Variants in PCDH15 observed in about 807,000 individuals in gnomAD.
PCDH15 encodes protocadherin-15.
Under a neutral mutation model 178.5 loss-of-function variants are expected in PCDH15, and 129 were observed. The ratio of observed to expected loss-of-function variants is 0.72; its 90% CI spans 0.63 to 0.84. The LOEUF is 0.84. PCDH15 is among the 40% of genes least tolerant of loss of function. PCDH15 has a pLI of 0.00. For missense variants in PCDH15, 2,230 were observed against 2,099.9 expected (o/e 1.06, Z -1.21); for synonymous variants, 800 against 732.0 (o/e 1.09, Z -1.50).
chr10:54,136,834 C>T (rs1376131028), intron 14 of PCDH15, among the ~76,000 whole-genome samples: 1 of 152,168 alleles, frequency 6.6e-6, no homozygotes, highest in Non-Finnish European at 1.5e-5. Context: ...TTCCTTTCCA[C>T]AATAATTCAA....
rs2132598519 is a variant in PCDH15, at chr10:53,828,579, T to A, written c.4203-6A>T. ...ATTATACTTACACTTTAAACCTGTT[T>A]GGGAAAGCAAGAGTAAGAAAAATAG... On this transcript the variant is annotated splice_region_variant and splice_polypyrimidine_tract_variant and intron_variant, in intron 30 of 37. Transcript: ENST00000644397. 6.5e-7 allele frequency: 1 copy of A among 1,550,250 alleles called. No homozygotes were observed. The highest frequency in any genetic ancestry group is 8.9e-7 in the Non-Finnish European group (1 of 1,122,694).
At chr10:54,781,474 G>A (rs529776186) in intron 1 of PCDH15, among the ~76,000 whole-genome samples, 1 of 152,132 alleles carries the variant, frequency 6.6e-6, no homozygotes, top group East Asian at 1.9e-4. Context: ...TAATGCCTGT[G>A]TATCAAAGTA....
intron 1 of PCDH15, among the ~76,000 whole-genome samples, chr10:54,665,724 A>C (rs2094560922): frequency 6.6e-6 from 1 of 151,864 alleles, no homozygotes. Context: ...TTGTTTCTTT[A>C]TCTAAGATAT....
At chr10:54,166,265 C>A (rs2046217521) in intron 13 of PCDH15, among the ~76,000 whole-genome samples, 1 of 152,158 alleles carries the variant, frequency 6.6e-6, no homozygotes, top group South Asian at 2.1e-4. Flanking sequence ...TCAAATTTAA[C>A]AACTCAATAA....
At chr10:54,167,940 TAAG>T (rs1301460571) in intron 13 of PCDH15, among the ~76,000 whole-genome samples, 3 of 150,352 alleles carry the variant, frequency 2.0e-5, no homozygotes, top group Non-Finnish European at 4.4e-5. Flanking sequence ...TTCTGGAAGG[TAAG>T]AACCCCCGAA....
At position 55,254,085 on chromosome 10, in the gene PCDH15, G is replaced by A. The variant is rs16907178; in HGVS notation, c.-156+65514C>T. ...TGTTACTGGTAGAAGGCATGAAAACGCATTTATTACAGTTGTAAAATTTAT... is the reference window on the plus strand; with the variant it reads ...TGTTACTGGTAGAAGGCATGAAAACACATTTATTACAGTTGTAAAATTTAT... On this transcript the variant is annotated intron_variant, in intron 1 of 5. Transcript: ENST00000458638. Among the ~76,000 whole-genome samples, 883 of 152,206 alleles carry A rather than the reference G, an allele frequency of 5.8e-3. 10 individuals carry two copies. Among genetic ancestry groups the A allele is most frequent in the African/African-American group, 0.02 (841 of 41,516 alleles).
intron 3 of PCDH15, among the ~76,000 whole-genome samples, chr10:54,513,670 A>G (rs1236775063): frequency 6.6e-6 from 1 of 152,196 alleles, no homozygotes; most frequent in Non-Finnish European, 1.5e-5. Context: ...ATGTTAAAAA[A>G]TCTTAATCAT....
Position 53,855,863 on chromosome 10 carries a change from C to T in PCDH15, c.3806+1312G>A, listed in dbSNP as rs184960098. Among the ~76,000 whole-genome samples, 39 of 131,818 alleles carry T rather than the reference C, an allele frequency of 3.0e-4. 1 individual carries two copies. The East Asian group carries it at 0.012, about 40-fold the overall frequency. The allele number at this position is 131,818 out of a possible 152,430, so 86.5% of individuals were successfully genotyped here. A position where few individuals can be genotyped will look rare whatever the true frequency, so the allele number is the denominator to read the frequency against. ...ATGTAACAAGCATGCATGTTCTGCA[C>T]ATGTATCCCGGAACTTAAAAGTTAA... On this transcript the variant is annotated intron_variant, in intron 28 of 37. Transcript: ENST00000644397.
At chr10:54,846,532 C>T (rs549408140) in intron 3 of PCDH15, among the ~76,000 whole-genome samples, 3 of 152,148 alleles carry the variant, frequency 2.0e-5, no homozygotes, top group East Asian at 1.9e-4. Context: ...GAAATGCATC[C>T]GGCAATCTAC....
intron 2 of PCDH15, among the ~76,000 whole-genome samples, chr10:54,581,370 T>C (rs1235601358): frequency 6.6e-6 from 1 of 151,976 alleles, no homozygotes; most frequent in Non-Finnish European, 1.5e-5. Context: ...TATGAATACA[T>C]CCAACAAAGA....
At chr10:55,465,142 T>C (rs1839805714) in intron 2 of PCDH15, among the ~76,000 whole-genome samples, 6 of 152,140 alleles carry the variant, frequency 3.9e-5, no homozygotes, top group Admixed American at 3.9e-4. Flanking sequence ...ACACAGAGAC[T>C]GATTTTAGGA....
At chr10:55,312,890 T>C (rs193012850) in intron 1 of PCDH15, among the ~76,000 whole-genome samples, 196 of 152,316 alleles carry the variant, frequency 1.3e-3, no homozygotes, top group African/African-American at 4.0e-3. Context: ...GTGCTGAGAT[T>C]ACAGGCGTAA....
At position 53,827,452 on chromosome 10, in the gene PCDH15, C is replaced by T. The variant is rs1160719926; in HGVS notation, c.4308G>A (p.Pro1436=). Residue 1436 remains proline, a synonymous_variant, in exon 32 of 38, where the codon CCG becomes CCA. Transcript: ENST00000644397. ...VPAPAPVAAP[P]PPPPPPPGAH... is the part of the protein sequence containing the mutation. ...CACCTGGCGGAGGCGGCGGCGGCGG[C>T]GGGGGCGCTGCCACTGGTGCAGGAG... The T allele has an allele frequency of 1.9e-6, 3 of 1,612,978 alleles. No homozygotes were observed. Among genetic ancestry groups the T allele is most frequent in the East Asian group, 2.2e-5 (1 of 44,854 alleles).
rs772130079 is a variant in PCDH15 at position 54,346,531 on chromosome 10, G to GCACA, written c.475-51_475-48dup. ...AATATCAATTTTCATTTTATCAACT[G>GCACA]CACACCAGAAATGTTACAGCATAAA... On this transcript the variant is annotated intron_variant, in intron 5 of 37. Coordinates refer to ENST00000644397, the MANE Select transcript of PCDH15 (RefSeq NM_001384140.1). 1.9e-6 allele frequency: 3 copies of GCACA among 1,604,298 alleles called. No individual in the cohort carries two copies. The South Asian group carries it at 3.3e-5, about 18-fold the overall frequency.
chr10:54,968,187 T>G (rs1838841322), intron 2 of PCDH15, among the ~76,000 whole-genome samples: 1 of 152,176 alleles, frequency 6.6e-6, no homozygotes, highest in Admixed American at 6.6e-5. Context: ...ACTGCTAATC[T>G]GTATTCCAAC....
chr10:54,756,452 C>G (rs1324769523), intron 1 of PCDH15, among the ~76,000 whole-genome samples: 1 of 151,984 alleles, frequency 6.6e-6, no homozygotes, highest in Non-Finnish European at 1.5e-5. Context: ...GTTTGGCTCT[C>G]TGCTCAAATT....
chr10:54,921,390 A>C (rs1254152014), intron 2 of PCDH15, among the ~76,000 whole-genome samples: 1 of 152,030 alleles, frequency 6.6e-6, no homozygotes, highest in Non-Finnish European at 1.5e-5. Flanking sequence ...AGATAAACTC[A>C]TGTCCCAAGG....
intron 1 of PCDH15, among the ~76,000 whole-genome samples, chr10:55,239,830 A>C (rs1032891837): frequency 2.0e-5 from 3 of 152,172 alleles, no homozygotes; most frequent in Non-Finnish European, 4.4e-5. Flanking sequence ...AGCTCAAACT[A>C]TCTAATAGGA....
At chr10:54,117,456 C>T (rs1181027041) in intron 15 of PCDH15, among the ~76,000 whole-genome samples, 1 of 152,160 alleles carries the variant, frequency 6.6e-6, no homozygotes, top group African/African-American at 2.4e-5. Flanking sequence ...CACAGCTCTT[C>T]TCTCCTTCCT....
Sources: allele counts gnomAD v4.1 joint callset (sites outside exome capture counted in the v4.1 genomes callset), GRCh38; gene constraint gnomAD v4.1.1; transcripts MANE v1.5; gene names NCBI Gene and HGNC (gene_info 2026-07-23, HGNC 2026-07-21).